The following KCNG3 variants were observed in gnomAD, a reference collection of about 807,000 sequenced individuals.
KCNG3 encodes voltage-gated potassium channel regulatory subunit KCNG3.
KCNG3 carries 15 observed loss-of-function variants against 29.0 expected under a neutral mutation model. The ratio of observed to expected loss-of-function variants is 0.52; its 90% CI spans 0.35 to 0.80. KCNG3 has a LOEUF of 0.80. Among genes scored for constraint, KCNG3 ranks in the 30% least tolerant of loss-of-function variants. KCNG3 has a pLI of 0.01. For missense variants in KCNG3, 512 were observed against 605.7 expected (o/e 0.85, Z 1.62); for synonymous variants, 322 against 248.9 (o/e 1.29, Z -2.76).
At chr2:42,485,228 A>C (rs1190505338) in intron 1 of KCNG3, among the ~76,000 whole-genome samples, 1 of 152,216 alleles carries the variant, frequency 6.6e-6, no homozygotes, top group Non-Finnish European at 1.5e-5. Flanking sequence ...CAAAATTCCA[A>C]CATGAAGCAA....
At chr2:42,416,904 T>C in the KCNG3 span, among the ~76,000 whole-genome samples, 1 of 151,836 alleles carries the variant, frequency 6.6e-6, no homozygotes, top group Admixed American at 6.6e-5. Context: ...ATACAATGCA[T>C]ACATGAATCA....
At chr2:42,434,967 G>T in the KCNG3 span, among the ~76,000 whole-genome samples, 1 of 152,092 alleles carries the variant, frequency 6.6e-6, no homozygotes, top group Non-Finnish European at 1.5e-5. Context: ...ACTAAAAATG[G>T]ATCAGAGACC....
At chr2:42,390,165 A>G in the KCNG3 span, among the ~76,000 whole-genome samples, 5,459 of 152,310 alleles carry the variant, frequency 0.036, 207 homozygotes, top group East Asian at 0.2. Context: ...ATTTTGCTCT[A>G]TATTTGGAAA....
intron 1 of KCNG3, among the ~76,000 whole-genome samples, chr2:42,479,164 A>G (rs1285751034): frequency 6.6e-6 from 1 of 152,094 alleles, no homozygotes; most frequent in Non-Finnish European, 1.5e-5. Context: ...TTGATCACAC[A>G]TTGCCTCCCC....
intron 1 of KCNG3, among the ~76,000 whole-genome samples, chr2:42,482,592 G>T (rs970133497): frequency 6.6e-6 from 1 of 152,142 alleles, no homozygotes; most frequent in Non-Finnish European, 1.5e-5. Context: ...GCCTGGGCAT[G>T]GTGGCACACC....
At chr2:42,399,363 C>G in the KCNG3 span, among the ~76,000 whole-genome samples, 8 of 152,020 alleles carry the variant, frequency 5.3e-5, no homozygotes, top group South Asian at 1.7e-3. Flanking sequence ...CCGGCCTGTC[C>G]TTTTCTTTTT....
At chr2:42,487,647 A>G (rs13417819) in intron 1 of KCNG3, among the ~76,000 whole-genome samples, 1,967 of 152,300 alleles carry the variant, frequency 0.013, 22 homozygotes, top group Non-Finnish European at 0.018. Flanking sequence ...GCTCTCTCCT[A>G]TATTGCTGGT....
chr2:42,479,025 C>A (rs141079612), intron 1 of KCNG3, among the ~76,000 whole-genome samples: 54 of 149,042 alleles, frequency 3.6e-4, no homozygotes, highest in African/African-American at 1.3e-3. Context: ...AATTCGAAAT[C>A]CAAAATACTC....
intron 1 of KCNG3, among the ~76,000 whole-genome samples, chr2:42,457,627 T>TCACACACACA (rs56251665): frequency 0.14 from 17,854 of 125,270 alleles, 1,618 homozygotes; most frequent in Middle Eastern, 0.23. Context: ...CAGGCAGATC[T>TCACACACACA]CACACACACA....
rs931820969 is a variant in KCNG3, at chr2:42,444,830, G to A, written c.666-251C>T. Reference sequence around the variant, plus strand: ...TAATCCCAGGTCTTTGGAAGGCTGAGGTGGGTGAATCGCTTGAGCCCAGGA... The same window carrying A: ...TAATCCCAGGTCTTTGGAAGGCTGAAGTGGGTGAATCGCTTGAGCCCAGGA... On this transcript the variant is annotated intron_variant, in intron 1 of 1. Transcript: ENST00000306078. This position sits in a 1 kb window ranked among gnomAD's most constrained non-coding sequence, Gnocchi z 5.8. Among the ~76,000 whole-genome samples, 5 of 151,948 alleles carry A rather than the reference G, an allele frequency of 3.3e-5. No homozygotes were observed. Among genetic ancestry groups the A allele is most frequent in the Non-Finnish European group, 4.4e-5 (3 of 67,988 alleles).
chr2:42,465,295 C>T (rs1416356320), intron 1 of KCNG3, among the ~76,000 whole-genome samples: 1 of 151,610 alleles, frequency 6.6e-6, no homozygotes, highest in Non-Finnish European at 1.5e-5. Context: ...TGGCTCACTG[C>T]AACCTCTACC....
At chr2:42,437,858 A>G (rs1672400874), downstream of KCNG3, among the ~76,000 whole-genome samples, 1 of 150,330 alleles carries the variant, frequency 6.7e-6, no homozygotes. Flanking sequence ...GAATTGCTTG[A>G]ACCCAGGAGG....
the KCNG3 span, among the ~76,000 whole-genome samples, chr2:42,415,024 T>C: frequency 6.6e-6 from 1 of 152,210 alleles, no homozygotes; most frequent in African/African-American, 2.4e-5. Flanking sequence ...TCCTGTTTGT[T>C]GGATTTGTAG....
At chr2:42,459,492 G>A (rs1215805613) in intron 1 of KCNG3, among the ~76,000 whole-genome samples, 1 of 152,220 alleles carries the variant, frequency 6.6e-6, no homozygotes, top group African/African-American at 2.4e-5. Flanking sequence ...TAGCCAGGAT[G>A]ATGCAATGTC....
intron 1 of KCNG3, among the ~76,000 whole-genome samples, chr2:42,472,779 C>T (rs995094791): frequency 4.7e-5 from 7 of 148,268 alleles, no homozygotes; most frequent in African/African-American, 1.5e-4. Context: ...GGATTACAGG[C>T]TCAACGATAT....
chr2:42,391,554 G>A, the KCNG3 span, among the ~76,000 whole-genome samples: 1 of 145,560 alleles, frequency 6.9e-6, no homozygotes, highest in Non-Finnish European at 1.5e-5. Flanking sequence ...AAGAGTAGAT[G>A]TCTAGCATAC....
At chr2:42,464,810 T>G (rs983829430) in intron 1 of KCNG3, among the ~76,000 whole-genome samples, 7 of 152,162 alleles carry the variant, frequency 4.6e-5, no homozygotes, top group Admixed American at 3.9e-4. Flanking sequence ...CAGCAGTCAG[T>G]GCTTATCTCT....
downstream of KCNG3, chr2:42,440,570 AC>A (rs1672451479): frequency 6.6e-6 from 1 of 152,052 alleles, no homozygotes; most frequent in Admixed American, 6.6e-5. Context: ...ATCCAAATTA[AC>A]CCCATCTCCA....
chr2:42,449,101 G>A (rs1443046693), intron 1 of KCNG3, among the ~76,000 whole-genome samples: 1 of 152,102 alleles, frequency 6.6e-6, no homozygotes, highest in Non-Finnish European at 1.5e-5. Context: ...GGGGGGTCCT[G>A]GAACCAACAT....
Sources: gnomAD v4.1 joint callset for allele counts (sites outside exome capture counted in the v4.1 genomes callset) on GRCh38, gnomAD v4.1.1 for gene constraint, Gnocchi (gnomAD v3.1) non-coding constraint, MANE v1.5 for transcripts, NCBI Gene and HGNC (gene_info 2026-07-23, HGNC 2026-07-21) for gene names.